The following SLC38A12 variants were observed in gnomAD, a reference collection of about 807,000 sequenced individuals.
SLC38A12 encodes solute carrier family 38 member 12.
At chr17:74,812,158 CAG>C in the SLC38A12 span, among the ~76,000 whole-genome samples, 1 of 151,764 alleles carries the variant, frequency 6.6e-6, no homozygotes, top group Non-Finnish European at 1.5e-5. Context: ...TGTGCTGACA[CAG>C]GGGGTCAGGA....
the SLC38A12 span, chr17:74,790,251 C>T: frequency 1.3e-5 from 21 of 1,614,020 alleles, no homozygotes; most frequent in South Asian, 5.5e-5. Context: ...TGTTCTCATC[C>T]GGGACAACTA....
At chr17:74,778,268 A>G in the SLC38A12 span, among the ~76,000 whole-genome samples, 1 of 152,202 alleles carries the variant, frequency 6.6e-6, no homozygotes, top group Non-Finnish European at 1.5e-5. Context: ...GTTACATCAC[A>G]GGGCCCTCTT....
At chr17:74,791,251 C>T in the SLC38A12 span, among the ~76,000 whole-genome samples, 1 of 152,222 alleles carries the variant, frequency 6.6e-6, no homozygotes, top group Non-Finnish European at 1.5e-5. Flanking sequence ...GAGGCCGCTT[C>T]TCTAGCGGAA....
chr17:74,808,495 C>T, the SLC38A12 span, among the ~76,000 whole-genome samples: 6 of 152,192 alleles, frequency 3.9e-5, no homozygotes, highest in African/African-American at 1.2e-4. Flanking sequence ...CCTGCCTGGG[C>T]ACTCTGGTAG....
chr17:74,785,761 A>C, the SLC38A12 span: 19 of 1,072,512 alleles, frequency 1.8e-5, no homozygotes, highest in Non-Finnish European at 2.3e-5. Context: ...AGAGAGGGGA[A>C]AGTGGTCACA....
chr17:74,831,414 G>A, the SLC38A12 span, among the ~76,000 whole-genome samples: 1 of 152,218 alleles, frequency 6.6e-6, no homozygotes, highest in African/African-American at 2.4e-5. Context: ...GCCCATGGGT[G>A]ACACAAGACA....
At chr17:74,804,372 A>C in the SLC38A12 span, among the ~76,000 whole-genome samples, 1 of 152,370 alleles carries the variant, frequency 6.6e-6, no homozygotes, top group South Asian at 2.1e-4. Context: ...GAAATAGCTG[A>C]GTGTGCGCTG....
chr17:74,819,480 A>C, the SLC38A12 span, among the ~76,000 whole-genome samples: 1 of 152,230 alleles, frequency 6.6e-6, no homozygotes, highest in Non-Finnish European at 1.5e-5. Context: ...GGTCCCTGGA[A>C]TGACACCTGG....
the SLC38A12 span, among the ~76,000 whole-genome samples, chr17:74,809,864 C>T: frequency 1.3e-5 from 2 of 152,204 alleles, no homozygotes; most frequent in African/African-American, 4.8e-5. Flanking sequence ...GCAGAGGTAG[C>T]GCAGGTGCCC....
chr17:74,836,372 G>A, the SLC38A12 span: 141 of 1,612,270 alleles, frequency 8.7e-5, no homozygotes, highest in Non-Finnish European at 1.1e-4. The surrounding 1 kb of genome is among the most constrained non-coding windows in gnomAD (Gnocchi z 4.2). Flanking sequence ...GCACGTACCC[G>A]TGGGTGGTGG....
At chr17:74,788,996 C>T in the SLC38A12 span, 1 of 755,514 alleles carries the variant, frequency 1.3e-6, no homozygotes, top group East Asian at 3.0e-5. Flanking sequence ...TGCTCCTGGA[C>T]CCCAGTCCCA....
chr17:74,790,775 A>T, the SLC38A12 span, among the ~76,000 whole-genome samples: 25 of 149,896 alleles, frequency 1.7e-4, no homozygotes, highest in African/African-American at 2.5e-4. Flanking sequence ...ATTCCCTTAA[A>T]AAAAAAAAAA....
chr17:74,804,382 G>C, the SLC38A12 span, among the ~76,000 whole-genome samples: 44 of 152,390 alleles, frequency 2.9e-4, no homozygotes, highest in South Asian at 5.2e-3. Context: ...AGTGTGCGCT[G>C]TGCAGTGCAC....
At chr17:74,789,431 G>A in the SLC38A12 span, among the ~76,000 whole-genome samples, 1 of 151,860 alleles carries the variant, frequency 6.6e-6, no homozygotes, top group Non-Finnish European at 1.5e-5. Context: ...TCAGGAGGCT[G>A]AGGCACAAGA....
the SLC38A12 span, among the ~76,000 whole-genome samples, chr17:74,821,046 T>C: frequency 3.3e-5 from 5 of 152,194 alleles, no homozygotes; most frequent in Admixed American, 3.3e-4. Context: ...GAGCAGGCTG[T>C]ACAGCACAGG....
chr17:74,832,720 A>T, the SLC38A12 span, among the ~76,000 whole-genome samples: 2 of 152,226 alleles, frequency 1.3e-5, no homozygotes, highest in Non-Finnish European at 2.9e-5. Flanking sequence ...GACCAAGGGG[A>T]GTTCACGAAA....
chr17:74,824,388 A>G, the SLC38A12 span, among the ~76,000 whole-genome samples: 2 of 152,176 alleles, frequency 1.3e-5, no homozygotes, highest in Non-Finnish European at 2.9e-5. Context: ...TTGTGCTCAC[A>G]GGCCCAGCGC....
chr17:74,784,840 G>T, the SLC38A12 span, among the ~76,000 whole-genome samples: 9 of 152,146 alleles, frequency 5.9e-5, no homozygotes, highest in Admixed American at 1.3e-4. Context: ...TTTTTGGGGG[G>T]TGATAAAATG....
At chr17:74,785,570 G>T in the SLC38A12 span, 1 of 1,614,130 alleles carries the variant, frequency 6.2e-7, no homozygotes, top group Non-Finnish European at 8.5e-7. Context: ...TGGCTTGTCA[G>T]CCTCGTCCTG....
Sources: gnomAD v4.1 joint callset for allele counts (sites outside exome capture counted in the v4.1 genomes callset) on GRCh38, gnomAD v4.1.1 for gene constraint, Gnocchi (gnomAD v3.1) non-coding constraint, MANE v1.5 for transcripts, NCBI Gene and HGNC (gene_info 2026-07-23, HGNC 2026-07-21) for gene names.